Variants in DIAPH3 observed in about 807,000 individuals in gnomAD.
The protein encoded by DIAPH3 is protein diaphanous homolog 3.
Under a neutral mutation model 144.3 loss-of-function variants are expected in DIAPH3, and 117 were observed. The ratio of observed to expected loss-of-function variants is 0.81; its 90% CI spans 0.70 to 0.95. The LOEUF (loss-of-function observed/expected upper bound fraction) is 0.95. DIAPH3 is among the 40% of genes least tolerant of loss of function. DIAPH3 has a pLI of 0.00. For missense variants in DIAPH3, 1,421 were observed against 1,412.7 expected (o/e 1.01, Z -0.09); for synonymous variants, 519 against 488.9 (o/e 1.06, Z -0.81).
intron 24 of DIAPH3, among the ~76,000 whole-genome samples, chr13:59,813,016 A>C (rs2040570170): frequency 6.6e-6 from 1 of 152,132 alleles, no homozygotes; most frequent in African/African-American, 2.4e-5. Context: ...GGACAGTCTT[A>C]CTACCTATTA....
chr13:59,966,234 T>C (rs1462352764), intron 17 of DIAPH3, among the ~76,000 whole-genome samples: 2 of 151,888 alleles, frequency 1.3e-5, no homozygotes, highest in Non-Finnish European at 2.9e-5. Flanking sequence ...TCACAAAGAT[T>C]AGTTTAAAAA....
chr13:60,048,384 A>T (rs1431158763), intron 4 of DIAPH3, among the ~76,000 whole-genome samples: 1 of 152,244 alleles, frequency 6.6e-6, no homozygotes, highest in African/African-American at 2.4e-5. Flanking sequence ...AAGACAAATT[A>T]ATAAACAGAT....
Position 59,674,504 on chromosome 13 carries a change from T to C in DIAPH3, c.3320-7658A>G, listed in dbSNP as rs142097135. On this transcript the variant is annotated intron_variant, in intron 27 of 27. Transcript: ENST00000400324. ...GGTAATTTGTGCTACCTTCCCAACCTCTACCAAACAATCATAACCTCAACG... is the reference window on the plus strand; with the variant it reads ...GGTAATTTGTGCTACCTTCCCAACCCCTACCAAACAATCATAACCTCAACG... 3.4e-4 allele frequency among the ~76,000 whole-genome samples: 52 copies of C among 152,306 alleles called. No individual in the cohort carries two copies. The East Asian group carries it at 0.01, about 29-fold the overall frequency.
chr13:60,104,982 G>A (rs145152267), intron 3 of DIAPH3, among the ~76,000 whole-genome samples: 7,371 of 151,594 alleles, frequency 0.049, 270 homozygotes, highest in African/African-American at 0.096. Context: ...TGTAGTCCCA[G>A]CTACTCGGGA....
At chr13:59,838,635 G>C (rs2042166689) in intron 23 of DIAPH3, 1 of 152,156 alleles carries the variant, frequency 6.6e-6, no homozygotes, top group East Asian at 1.9e-4. Flanking sequence ...TGCTTCCTCA[G>C]ACATTTCAAA....
At chr13:60,070,645 A>C (rs2057171749) in intron 4 of DIAPH3, among the ~76,000 whole-genome samples, 1 of 152,154 alleles carries the variant, frequency 6.6e-6, no homozygotes, top group African/African-American at 2.4e-5. Flanking sequence ...TCAAGCCAAT[A>C]AAATTTCCCT....
intron 9 of DIAPH3, among the ~76,000 whole-genome samples, chr13:60,008,090 C>G (rs898257926): frequency 5.9e-5 from 9 of 151,968 alleles, no homozygotes; most frequent in Non-Finnish European, 1.3e-4. Context: ...AATAGGAATT[C>G]TATATTCTAA....
At chr13:59,675,529 C>T (rs1374032516) in intron 27 of DIAPH3, among the ~76,000 whole-genome samples, 4 of 151,926 alleles carry the variant, frequency 2.6e-5, no homozygotes, top group Non-Finnish European at 4.4e-5. Flanking sequence ...GGACTATAGG[C>T]GCCCGCCACC....
chr13:59,834,003 G>A (rs900511953), intron 23 of DIAPH3, among the ~76,000 whole-genome samples: 1 of 151,210 alleles, frequency 6.6e-6, no homozygotes, highest in South Asian at 2.1e-4. Context: ...TAGAAAACTG[G>A]TATATAATTT....
At chr13:59,679,882 A>G (rs2032851493) in intron 27 of DIAPH3, among the ~76,000 whole-genome samples, 1 of 152,236 alleles carries the variant, frequency 6.6e-6, no homozygotes, top group Non-Finnish European at 1.5e-5. Flanking sequence ...TTAAAGACAA[A>G]GAAAAATATG....
chr13:59,866,476 T>A (rs1383137830), intron 21 of DIAPH3, among the ~76,000 whole-genome samples: 2 of 152,014 alleles, frequency 1.3e-5, no homozygotes, highest in Admixed American at 1.3e-4. Flanking sequence ...ACTAATGCAA[T>A]GTAAAATACT....
intron 17 of DIAPH3, among the ~76,000 whole-genome samples, chr13:59,933,617 G>T (rs2048125360): frequency 6.6e-6 from 1 of 152,110 alleles, no homozygotes; most frequent in Non-Finnish European, 1.5e-5. Flanking sequence ...TTAGAGTTTT[G>T]TGTTTAATCT....
At chr13:59,977,722 G>T (rs912148297) in intron 14 of DIAPH3, among the ~76,000 whole-genome samples, 1 of 151,736 alleles carries the variant, frequency 6.6e-6, no homozygotes, top group Non-Finnish European at 1.5e-5. Context: ...CTGACCGAAT[G>T]AAGGAAATGA....
intron 22 of DIAPH3, among the ~76,000 whole-genome samples, chr13:59,861,053 T>G (rs923957270): frequency 2.6e-5 from 4 of 152,156 alleles, no homozygotes; most frequent in African/African-American, 9.7e-5. Flanking sequence ...GTATCAGGTA[T>G]GTAATAGGCT....
intron 20 of DIAPH3, among the ~76,000 whole-genome samples, chr13:59,894,149 C>A (rs1479872571): frequency 5.3e-5 from 8 of 151,878 alleles, no homozygotes; most frequent in African/African-American, 1.9e-4. Flanking sequence ...ACTCCTCTGC[C>A]CTTCAGTAAT....
intron 27 of DIAPH3, among the ~76,000 whole-genome samples, chr13:59,679,555 T>TA (rs1341540728): frequency 2.6e-5 from 4 of 152,302 alleles, no homozygotes; most frequent in African/African-American, 9.6e-5. Flanking sequence ...AGAAAGAAAT[T>TA]AGAGTATAGT....
At chr13:59,875,112 C>T (rs2140026901) in intron 21 of DIAPH3, among the ~76,000 whole-genome samples, 1 of 152,180 alleles carries the variant, frequency 6.6e-6, no homozygotes, top group African/African-American at 2.4e-5. Context: ...TGATACTAAC[C>T]AGATACAAAC....
chr13:59,931,363 A>C (rs2048007485), intron 17 of DIAPH3, among the ~76,000 whole-genome samples: 1 of 152,148 alleles, frequency 6.6e-6, no homozygotes, highest in Non-Finnish European at 1.5e-5. Flanking sequence ...TCTCCACTAC[A>C]GTGCAGCAAA....
At chr13:59,724,897 G>A (rs1226651163) in intron 27 of DIAPH3, among the ~76,000 whole-genome samples, 2 of 152,156 alleles carry the variant, frequency 1.3e-5, no homozygotes, top group Non-Finnish European at 2.9e-5. Context: ...TATTGTTGCT[G>A]TGAGGAATAT....
Sources: allele counts gnomAD v4.1 joint callset (sites outside exome capture counted in the v4.1 genomes callset), GRCh38; gene constraint gnomAD v4.1.1; transcripts MANE v1.5; gene names NCBI Gene and HGNC (gene_info 2026-07-23, HGNC 2026-07-21).